The following UCP1 variants were observed in gnomAD, a reference collection of about 807,000 sequenced individuals.
UCP1 encodes mitochondrial brown fat uncoupling protein 1.
In UCP1, 24 loss-of-function variants were observed where a neutral mutation model predicts 26.2. The ratio of observed to expected loss-of-function variants is 0.92; its 90% CI spans 0.66 to 1.29. The LOEUF (loss-of-function observed/expected upper bound fraction) is 1.29, where lower values mean the gene tolerates loss of function less well. Ranked by LOEUF, UCP1 falls within the 50% of genes most tolerant of loss-of-function variation. The pLI is 0.00. For missense variants in UCP1, 402 were observed against 388.7 expected (o/e 1.03, Z -0.29); for synonymous variants, 164 against 156.8 (o/e 1.05, Z -0.34).
chr4:140,568,622 C>G lies in UCP1; in HGVS notation c.108G>C (p.Thr36=). The G allele has an allele frequency of 1.2e-6, 2 of 1,613,520 alleles. No individual in the cohort carries two copies. The highest frequency in any genetic ancestry group is 1.7e-6 in the Non-Finnish European group (2 of 1,179,910). Residue 36 remains threonine (T), a synonymous_variant, in exon 1 of 6, where the codon ACG becomes ACC. Coordinates refer to ENST00000262999, the MANE Select transcript of UCP1 (RefSeq NM_021833.5). ...LADVITFPLD[T]AKVRLQVQGE... ...TAGCTACCTGGAGCCGGACTTTGGC[C>G]GTGTCCAGCGGGAAGGTGATCACGT...
chr4:140,565,387 C>G (rs1187674355), intron 2 of UCP1, among the ~76,000 whole-genome samples: 1 of 152,074 alleles, frequency 6.6e-6, no homozygotes, highest in Non-Finnish European at 1.5e-5. Flanking sequence ...TAGGGCATAC[C>G]CTGATCATTT....
Position 140,559,846 on chromosome 4 carries a change from C to T in UCP1, c.*50G>A, listed in dbSNP as rs79001246. On this transcript the variant is annotated 3_prime_UTR_variant, in exon 6 of 6. Transcript: ENST00000262999. Reference sequence around the variant, plus strand: ...AATAAGTTTTGTTTGTTTTTATGATCCAGTCAGCAAGATTCCCACTGGTAT... The same window carrying T: ...AATAAGTTTTGTTTGTTTTTATGATTCAGTCAGCAAGATTCCCACTGGTAT... 1.5e-5 allele frequency: 21 copies of T among 1,436,540 alleles called. No homozygotes were observed. Among genetic ancestry groups the T allele is most frequent in the East Asian group, 2.3e-5 (1 of 43,932 alleles). The allele number at this position is 1,436,540 out of a possible 1,614,324, so 89.0% of individuals were successfully genotyped here.
In UCP1 at chr4:140,567,953, T is replaced by C. The variant is rs373376128; in HGVS notation, c.151A>G (p.Ser51Gly). The change falls in exon 2 of 6, where the codon AGT becomes GGT. Residue 51 changes from serine (S) to glycine (G), a missense_variant. Ser to Gly is a moderately conservative substitution (Grantham distance 56). Transcript: ENST00000262999. ...AGGACACCTTTATACCTAATAACAC[T>C]GGACGTCGGGCATTCACCTTGGACC... Reference protein sequence around the residue: ...LQVQGECPTSSVIRYKGVLGT... With the variant: ...LQVQGECPTSGVIRYKGVLGT... The C allele has an allele frequency of 6.6e-5, 106 of 1,614,098 alleles. No individual in the cohort carries two copies. The highest frequency in any genetic ancestry group is 8.6e-5 in the Non-Finnish European group (101 of 1,180,038).
intron 1 of UCP1, 131 bp from the exon 2 acceptor site, chr4:140,568,108 CGTGTGTGT>C (rs3138733): frequency 0.14 from 87,703 of 632,242 alleles, 1,382 homozygotes; most frequent in African/African-American, 0.17. Context: ...CTCCCTCTAC[CGTGTGTGT>C]GTGTGTGTGT....
rs921886217 is a variant in UCP1, at chr4:140,559,673, A to G, written c.*223T>C. The stretch of plus-strand genomic sequence containing the variant: ...TTATCTGCATTACATTTGCCAGGGT[A>G]TATGCTGAATGTTTTGCTTTCCCCT... On this transcript the variant is annotated 3_prime_UTR_variant, in exon 6 of 6. Transcript: ENST00000262999. 3 of 556,184 alleles carry G rather than the reference A, an allele frequency of 5.4e-6. No individual in the cohort carries two copies. The African/African-American group carries it at 5.7e-5, about 11-fold the overall frequency. 34.5% of individuals were successfully genotyped at this position (556,184 alleles called of 1,614,324 possible).
Position 140,559,825 on chromosome 4 carries a change from AGTTTT to A in UCP1, c.*66_*70del. ...CTTTTTAGGTTAAAATAAGTGAATA[AGTTTT>A]GTTTGTTTTTATGATCCAGTCAGCA... On this transcript the variant is annotated 3_prime_UTR_variant, in exon 6 of 6. Coordinates refer to ENST00000262999, the MANE Select transcript of UCP1 (RefSeq NM_021833.5). 1 of 1,357,304 alleles carries A rather than the reference AGTTTT, an allele frequency of 7.4e-7. No homozygotes were observed. Among genetic ancestry groups the A allele is most frequent in the Non-Finnish European group, 1.0e-6 (1 of 954,044 alleles). The allele number at this position is 1,357,304 out of a possible 1,614,324, so 84.1% of individuals were successfully genotyped here.
intron 1 of UCP1, 68 bp from the exon 2 acceptor site, chr4:140,568,045 C>A: frequency 6.5e-7 from 1 of 1,542,478 alleles, no homozygotes; most frequent in Non-Finnish European, 8.9e-7. Flanking sequence ...AAGATTTCCC[C>A]CTGTGTTCCT....
chr4:140,568,780 T>A lies in UCP1; in HGVS notation c.-51A>T. 2.6e-6 allele frequency: 4 copies of A among 1,545,026 alleles called. No homozygotes were observed. The highest frequency in any genetic ancestry group is 3.5e-6 in the Non-Finnish European group (4 of 1,150,214). ...AGGAAAAGGGCTCCAGCCCCGAAGG[T>A]GGAGGAAGTTCCTTTCCCTTGCTCT... On this transcript the variant is annotated 5_prime_UTR_variant, in exon 1 of 6. Transcript: ENST00000262999.
chr4:140,559,815 T>C lies in UCP1; in HGVS notation c.*81A>G. On this transcript the variant is annotated 3_prime_UTR_variant, in exon 6 of 6. Coordinates refer to ENST00000262999, the MANE Select transcript of UCP1 (RefSeq NM_021833.5). ...ATTCCTTTATCTTTTTAGGTTAAAA[T>C]AAGTGAATAAGTTTTGTTTGTTTTT... 1.5e-6 allele frequency: 2 copies of C among 1,299,254 alleles called. No individual in the cohort carries two copies. Among genetic ancestry groups the C allele is most frequent in the East Asian group, 2.3e-5 (1 of 42,752 alleles). 80.5% of individuals were successfully genotyped at this position (1,299,254 alleles called of 1,614,324 possible).
At position 140,559,989 on chromosome 4, in the gene UCP1, T is replaced by C. The variant is rs746909792; in HGVS notation, c.831A>G (p.Arg277=). The C allele has an allele frequency of 8.7e-6, 14 of 1,613,704 alleles. No homozygotes were observed. In the East Asian group the frequency reaches 2.7e-4, roughly 31 times the overall value. ...FFKGLVPSFL[R]LGSWNVIMFV... is the part of the protein sequence containing the mutation. Reference sequence around the variant, plus strand: ...ACATAATGACGTTCCAGGATCCAAGTCGCAAGAAGGAAGGTACCAACCTAG... The same window carrying C: ...ACATAATGACGTTCCAGGATCCAAGCCGCAAGAAGGAAGGTACCAACCTAG... Residue 277 remains arginine (R), a synonymous_variant, in exon 6 of 6, where the codon CGA becomes CGG. Coordinates refer to ENST00000262999, the MANE Select transcript of UCP1 (RefSeq NM_021833.5).
In UCP1 at chr4:140,559,614, C is replaced by T. The variant is rs1160390268; in HGVS notation, c.*282G>A. 2.8e-6 allele frequency: 1 copy of T among 363,214 alleles called. No individual in the cohort carries two copies. Among genetic ancestry groups the T allele is most frequent in the African/African-American group, 2.1e-5 (1 of 47,426 alleles). The allele number at this position is 363,214 out of a possible 1,614,324, so 22.5% of individuals were successfully genotyped here. On this transcript the variant is annotated 3_prime_UTR_variant, in exon 6 of 6. Transcript: ENST00000262999. The stretch of plus-strand genomic sequence containing the variant: ...TTAAAGTTCTTCACATTCATTCACA[C>T]AATTGCACTCCAGAAATGGTCAAAT...
Position 140,567,915 on chromosome 4 carries a change from G to A in UCP1, c.189C>T (p.Thr63=), listed in dbSNP as rs766175220. The change falls in exon 2 of 6, where the codon ACC becomes ACT. Residue 63 remains threonine, a synonymous_variant. Transcript: ENST00000262999. ...TCCGCCCTTCTGTTTTTACCACAGCGGTGATTGTTCCCAGGACACCTTTAT... is the reference window on the plus strand; with the variant it reads ...TCCGCCCTTCTGTTTTTACCACAGCAGTGATTGTTCCCAGGACACCTTTAT... ...IRYKGVLGTI[T]AVVKTEGRMK... The A allele has an allele frequency of 1.8e-5, 29 of 1,614,040 alleles. No individual in the cohort carries two copies. The highest frequency in any genetic ancestry group is 2.2e-5 in the Non-Finnish European group (26 of 1,180,030).
At position 140,563,217 on chromosome 4, in the gene UCP1, G is replaced by GA. The variant is rs111460010; in HGVS notation, c.527-7dup. On this transcript the variant is annotated splice_region_variant and splice_polypyrimidine_tract_variant and intron_variant, in intron 3 of 5. Transcript: ENST00000262999. ...CATCAGATTGGGAGTAGTCCCTGGG[G>GA]AAAAAAAAAAAGAAAATGTTTATTA... 0.052 allele frequency: 47,103 copies of GA among 907,820 alleles called. 135 individuals are homozygous for GA. Among genetic ancestry groups the GA allele is most frequent in the African/African-American group, 0.11 (6,304 of 58,210 alleles). The allele number at this position is 907,820 out of a possible 1,614,324, so 56.2% of individuals were successfully genotyped here. A position where few individuals can be genotyped will look rare whatever the true frequency, so the allele number is the denominator to read the frequency against.
chr4:140,566,505 A>G (rs1344861674), intron 2 of UCP1, among the ~76,000 whole-genome samples: 1 of 152,234 alleles, frequency 6.6e-6, no homozygotes, highest in Non-Finnish European at 1.5e-5. Flanking sequence ...CTCTTGCTAC[A>G]TCTATAAATA....
chr4:140,567,971 C>CT lies in UCP1; in HGVS notation c.132dup (p.Gly45ArgfsTer2). The stretch of plus-strand genomic sequence containing the variant: ...ATAACACTGGACGTCGGGCATTCAC[C>CT]TTGGACCTGGAAATAAGAAAGGTGC... On this transcript the variant is annotated frameshift_variant, in exon 2 of 6. Transcript: ENST00000262999. LOFTEE classifies it high-confidence loss of function. 2 of 1,614,184 alleles carry CT rather than the reference C, an allele frequency of 1.2e-6. No homozygotes were observed. The highest frequency in any genetic ancestry group is 1.7e-6 in the Non-Finnish European group (2 of 1,180,036).
Position 140,567,970 on chromosome 4 carries a change from C to T in UCP1, c.134G>A (p.Gly45Asp), listed in dbSNP as rs777211488. The change falls in exon 2 of 6, where the codon GGT becomes GAT. Residue 45 changes from glycine (G) to aspartate (D), a missense_variant. Transcript: ENST00000262999. Reference protein sequence around the residue: ...DTAKVRLQVQGECPTSSVIRY... With the variant: ...DTAKVRLQVQDECPTSSVIRY... ...AATAACACTGGACGTCGGGCATTCACCTTGGACCTGGAAATAAGAAAGGTG... is the reference window on the plus strand; with the variant it reads ...AATAACACTGGACGTCGGGCATTCATCTTGGACCTGGAAATAAGAAAGGTG... 12 of 1,614,040 alleles carry T rather than the reference C, an allele frequency of 7.4e-6. No homozygotes were observed. In the East Asian group the frequency reaches 1.6e-4, roughly 21 times the overall value.
chr4:140,566,180 G>A (rs1289778826), intron 2 of UCP1, among the ~76,000 whole-genome samples: 2 of 152,114 alleles, frequency 1.3e-5, no homozygotes, highest in South Asian at 2.1e-4. Flanking sequence ...TATCCCCATC[G>A]TTAAGTGAAG....
chr4:140,560,427 T>C (rs6536991), intron 5 of UCP1, among the ~76,000 whole-genome samples: 50,802 of 152,042 alleles, frequency 0.33, 9,921 homozygotes, highest in African/African-American at 0.54. Flanking sequence ...AACATGTCTT[T>C]TCTTCACTGA....
intron 4 of UCP1, among the ~76,000 whole-genome samples, chr4:140,562,660 G>T (rs538120229): frequency 2.8e-4 from 42 of 152,104 alleles, no homozygotes; most frequent in African/African-American, 9.9e-4. Flanking sequence ...ATTGAAATAA[G>T]GGAAATTTCA....
Sources: allele counts gnomAD v4.1 joint callset (sites outside exome capture counted in the v4.1 genomes callset), GRCh38; gene constraint gnomAD v4.1.1; transcripts MANE v1.5; gene names NCBI Gene and HGNC (gene_info 2026-07-23, HGNC 2026-07-21).